The following PHF24 variants were observed in gnomAD, a reference collection of about 807,000 sequenced individuals.
The protein encoded by PHF24 is Galpha inhibitory interacting protein.
In PHF24, 25 loss-of-function variants were observed where a neutral mutation model predicts 42.6. The ratio of observed to expected loss-of-function variants is 0.59; its 90% confidence interval spans 0.43 to 0.82. PHF24 has a LOEUF of 0.82. Among genes scored for constraint, PHF24 ranks in the 40% least tolerant of loss-of-function variants. The pLI is 0.00. For missense variants in PHF24, 470 were observed against 538.1 expected (o/e 0.87, Z 1.25); for synonymous variants, 185 against 204.8 (o/e 0.90, Z 0.83).
chr9:34,876,974 TA>T, the PHF24 span, among the ~76,000 whole-genome samples: 1 of 152,052 alleles, frequency 6.6e-6, no homozygotes, highest in Non-Finnish European at 1.5e-5. Context: ...TTATTTGCCA[TA>T]AAAAGGAACA....
the PHF24 span, among the ~76,000 whole-genome samples, chr9:34,775,028 T>G: frequency 6.6e-6 from 1 of 152,192 alleles, no homozygotes; most frequent in Non-Finnish European, 1.5e-5. Flanking sequence ...AGGATTACCA[T>G]ATGATCCAGC....
chr9:34,923,016 C>T, the PHF24 span: 1 of 542,408 alleles, frequency 1.8e-6, no homozygotes, highest in Non-Finnish European at 3.0e-6. Context: ...GGGCTCCGGC[C>T]CGCCTAGACC....
the PHF24 span, among the ~76,000 whole-genome samples, chr9:34,718,532 A>T: frequency 2.6e-5 from 4 of 152,210 alleles, no homozygotes; most frequent in Non-Finnish European, 5.9e-5. Context: ...GTCCCTGCAG[A>T]GGACACAGGG....
the PHF24 span, among the ~76,000 whole-genome samples, chr9:34,836,612 G>A: frequency 1.3e-5 from 2 of 152,146 alleles, no homozygotes; most frequent in Non-Finnish European, 2.9e-5. Context: ...ATAGGCTCCT[G>A]TCTTAGGGCT....
chr9:34,718,634 G>A, the PHF24 span, among the ~76,000 whole-genome samples: 1 of 152,236 alleles, frequency 6.6e-6, no homozygotes, highest in Non-Finnish European at 1.5e-5. Flanking sequence ...AGCTGGTTAA[G>A]CAGCAGAGGC....
chr9:34,801,672 A>G, the PHF24 span, among the ~76,000 whole-genome samples: 1 of 152,030 alleles, frequency 6.6e-6, no homozygotes, highest in Non-Finnish European at 1.5e-5. Context: ...GCTTGCAGTG[A>G]GCTGAGGTCG....
the PHF24 span, among the ~76,000 whole-genome samples, chr9:34,825,487 G>C: frequency 6.6e-6 from 1 of 152,002 alleles, no homozygotes; most frequent in East Asian, 1.9e-4. Context: ...GGATGGATTT[G>C]GACTGCATTT....
chr9:34,683,447 G>A, the PHF24 span, among the ~76,000 whole-genome samples: 2 of 152,206 alleles, frequency 1.3e-5, no homozygotes, highest in Admixed American at 1.3e-4. Context: ...GAATGAGGTG[G>A]TAAGGGGAGA....
the PHF24 span, among the ~76,000 whole-genome samples, chr9:34,773,376 C>T: frequency 6.6e-6 from 1 of 151,620 alleles, no homozygotes; most frequent in Non-Finnish European, 1.5e-5. Context: ...GGTCAGAAAA[C>T]ATGCAAGATG....
At chr9:34,712,400 C>G in the PHF24 span, among the ~76,000 whole-genome samples, 1 of 152,084 alleles carries the variant, frequency 6.6e-6, no homozygotes, top group African/African-American at 2.4e-5. Flanking sequence ...TGTTCCCTCT[C>G]TTCTCCTCCT....
chr9:34,829,673 A>G, the PHF24 span, among the ~76,000 whole-genome samples: 3,834 of 152,252 alleles, frequency 0.025, 153 homozygotes, highest in African/African-American at 0.086. Context: ...AATATAAGGT[A>G]TTACTATGCA....
Position 34,961,714 on chromosome 9 carries a change from A to G in PHF24, c.-5+3313A>G, listed in dbSNP as rs188687767. 4.2e-3 allele frequency among the ~76,000 whole-genome samples: 633 copies of G among 152,366 alleles called. 9 individuals are homozygous for G. The highest frequency in any genetic ancestry group is 0.037 in the Admixed American group (568 of 15,302). ...GGCAGCCACATTCAGCCCTCCTGCC[A>G]GTGCCCTGCCAAAATTACTTTTGCC... On this transcript the variant is annotated intron_variant, in intron 1 of 7. Transcript: ENST00000242315.
the PHF24 span, among the ~76,000 whole-genome samples, chr9:34,847,101 A>G: frequency 2.6e-5 from 4 of 152,224 alleles, no homozygotes; most frequent in South Asian, 4.2e-4. Context: ...TTGGTTCCAT[A>G]TGAACTTTAA....
At chr9:34,758,286 G>A in the PHF24 span, among the ~76,000 whole-genome samples, 36 of 152,172 alleles carry the variant, frequency 2.4e-4, no homozygotes, top group African/African-American at 7.5e-4. This position sits in a 1 kb window ranked among gnomAD's most constrained non-coding sequence, Gnocchi z 4.4. Flanking sequence ...GGCTCTGGGT[G>A]TGGACGTGTA....
chr9:34,823,839 C>A, the PHF24 span, among the ~76,000 whole-genome samples: 1 of 152,104 alleles, frequency 6.6e-6, no homozygotes, highest in Non-Finnish European at 1.5e-5. Flanking sequence ...TCAGCCCTAC[C>A]TGTGATGATG....
the PHF24 span, chr9:34,837,604 T>C: frequency 2.9e-6 from 4 of 1,394,630 alleles, no homozygotes; most frequent in Non-Finnish European, 3.0e-6. Flanking sequence ...ACAGGATTCA[T>C]AGGAAACACC....
chr9:34,910,337 C>T, the PHF24 span, among the ~76,000 whole-genome samples: 1 of 152,006 alleles, frequency 6.6e-6, no homozygotes, highest in Admixed American at 6.6e-5. Flanking sequence ...TAAAAATTAA[C>T]TTAGAAATAA....
chr9:34,703,730 G>C, the PHF24 span, among the ~76,000 whole-genome samples: 1 of 105,442 alleles, frequency 9.5e-6, no homozygotes, highest in Middle Eastern at 5.5e-3. Context: ...TTAAAAAAAA[G>C]TTTCTTGTAA....
the PHF24 span, among the ~76,000 whole-genome samples, chr9:34,919,174 TTTTA>T: frequency 6.6e-6 from 1 of 152,202 alleles, no homozygotes; most frequent in African/African-American, 2.4e-5. Flanking sequence ...TATTAATACA[TTTTA>T]TTGATATGTA....
Sources: allele counts gnomAD v4.1 joint callset (sites outside exome capture counted in the v4.1 genomes callset), GRCh38; gene constraint gnomAD v4.1.1; non-coding constraint Gnocchi (gnomAD v3.1); transcripts MANE v1.5; gene names NCBI Gene and HGNC (gene_info 2026-07-23, HGNC 2026-07-21).